Variants in PAX5 observed in about 807,000 individuals in gnomAD.
PAX5 encodes the protein paired box 5.
A neutral mutation model predicts 43.7 loss-of-function variants in PAX5; 9 were observed. The ratio of observed to expected loss-of-function variants is 0.21; its 90% CI spans 0.12 to 0.36. The LOEUF (loss-of-function observed/expected upper bound fraction) is 0.36. Among genes scored for constraint, PAX5 ranks in the 10% least tolerant of loss-of-function variants. PAX5 has a pLI of 1.00. For missense variants in PAX5, 383 were observed against 532.7 expected (o/e 0.72, Z 2.77); for synonymous variants, 228 against 214.3 (o/e 1.06, Z -0.56).
At chr9:37,017,102 T>TA (rs1310736165) in intron 2 of PAX5, among the ~76,000 whole-genome samples, 1 of 152,238 alleles carries the variant, frequency 6.6e-6, no homozygotes, top group East Asian at 1.9e-4. Context: ...AAAAGCACCC[T>TA]AAGTCAAGGC....
intron 1 of PAX5, among the ~76,000 whole-genome samples, chr9:37,028,135 T>A (rs1840621497): frequency 6.6e-6 from 1 of 152,092 alleles, no homozygotes; most frequent in African/African-American, 2.4e-5. Context: ...AAAAAATGTA[T>A]GTTGGAGGAA....
At chr9:36,939,932 C>T (rs747937371) in intron 6 of PAX5, among the ~76,000 whole-genome samples, 1 of 152,206 alleles carries the variant, frequency 6.6e-6, no homozygotes, top group Admixed American at 6.5e-5. Flanking sequence ...CCCCTCGACG[C>T]GGGGCCTCAC....
At chr9:36,974,602 T>C (rs1373769009) in intron 5 of PAX5, among the ~76,000 whole-genome samples, 2 of 152,182 alleles carry the variant, frequency 1.3e-5, no homozygotes, top group Non-Finnish European at 2.9e-5. Context: ...TTACTCTTCC[T>C]GTCAGCTGCT....
At chr9:36,985,528 C>T (rs1045926539) in intron 5 of PAX5, among the ~76,000 whole-genome samples, 2 of 152,136 alleles carry the variant, frequency 1.3e-5, no homozygotes, top group Admixed American at 6.5e-5. Context: ...GCGTCTGGGA[C>T]GAATGGGAGA....
At chr9:36,987,781 G>A in intron 5 of PAX5, among the ~76,000 whole-genome samples, 1 of 152,200 alleles carries the variant, frequency 6.6e-6, no homozygotes, top group Non-Finnish European at 1.5e-5. Flanking sequence ...CATAAATTAG[G>A]CCCCCAAACA....
chr9:36,934,943 C>G (rs929708843), intron 6 of PAX5, among the ~76,000 whole-genome samples: 1 of 152,200 alleles, frequency 6.6e-6, no homozygotes, highest in South Asian at 2.1e-4. Flanking sequence ...GCTCTTCCAA[C>G]GGTGCCAGAG....
At chr9:36,875,807 G>A (rs937012841) in intron 8 of PAX5, among the ~76,000 whole-genome samples, 13 of 152,110 alleles carry the variant, frequency 8.5e-5, no homozygotes, top group Admixed American at 6.5e-4. Context: ...AAGGAATGCC[G>A]GCAGCAGCAA....
In PAX5 at chr9:36,838,967, G is replaced by C. The variant is rs1281130243; in HGVS notation, c.*1593C>G. On this transcript the variant is annotated 3_prime_UTR_variant, in exon 10 of 10. Transcript: ENST00000358127. ...CTCTCTGCCATCCTGGTGACATACA[G>C]ATATGGGGGACATTGTCACCTAAGA... is the stretch of plus-strand genomic sequence containing the variant. 1.3e-5 allele frequency: 3 copies of C among 233,234 alleles called. No homozygotes were observed. The highest frequency in any genetic ancestry group is 6.6e-5 in the African/African-American group (3 of 45,354). 14.4% of individuals were successfully genotyped at this position (233,234 alleles called of 1,614,324 possible).
chr9:36,918,761 TAA>T (rs972085284), intron 7 of PAX5, among the ~76,000 whole-genome samples: 2 of 152,182 alleles, frequency 1.3e-5, no homozygotes, highest in African/African-American at 4.8e-5. Flanking sequence ...TTAGGAAGGC[TAA>T]GAGAAGTAAG....
chr9:36,940,937 T>C (rs1831998871), intron 6 of PAX5, among the ~76,000 whole-genome samples: 1 of 152,086 alleles, frequency 6.6e-6, no homozygotes. Flanking sequence ...ATTAGAGCCC[T>C]GAAAACAGGT....
At chr9:36,939,491 C>T (rs1241911532) in intron 6 of PAX5, among the ~76,000 whole-genome samples, 5 of 152,174 alleles carry the variant, frequency 3.3e-5, no homozygotes, top group South Asian at 4.1e-4. Context: ...AAAGGGACCC[C>T]AAATCCAATC....
At chr9:37,033,629 G>C (rs988212874) in intron 1 of PAX5, among the ~76,000 whole-genome samples, 13 of 115,736 alleles carry the variant, frequency 1.1e-4, no homozygotes, top group African/African-American at 4.0e-4. Flanking sequence ...CACACACACA[G>C]GCAAACAACT....
At chr9:36,920,331 A>G (rs558286623) in intron 7 of PAX5, among the ~76,000 whole-genome samples, 1 of 152,320 alleles carries the variant, frequency 6.6e-6, no homozygotes, top group East Asian at 1.9e-4. Context: ...CATGAAAAGA[A>G]GAGTCAATTG....
Position 36,840,175 on chromosome 9 carries a change from A to G in PAX5, c.*385T>C. ...CACAGAAAAGCAAGAAGGTATTTAC[A>G]TGGGTGCTGCTGAAGCAACAAAAGC... is the stretch of plus-strand genomic sequence containing the variant. On this transcript the variant is annotated 3_prime_UTR_variant, in exon 10 of 10. Transcript: ENST00000358127. The G allele has an allele frequency of 2.4e-6, 1 of 422,914 alleles. No homozygotes were observed. The highest frequency in any genetic ancestry group is 4.3e-6 in the Non-Finnish European group (1 of 231,144). 26.2% of individuals were successfully genotyped at this position (422,914 alleles called of 1,614,324 possible).
intron 7 of PAX5, among the ~76,000 whole-genome samples, chr9:36,883,636 A>C (rs1826654504): frequency 6.6e-6 from 1 of 152,206 alleles, no homozygotes; most frequent in African/African-American, 2.4e-5. Context: ...GCACCACTGC[A>C]CTTCAGCCTG....
At chr9:36,952,234 C>CTTTTTT (rs138009049) in intron 6 of PAX5, among the ~76,000 whole-genome samples, 2,034 of 66,670 alleles carry the variant, frequency 0.031, 174 homozygotes, top group Non-Finnish European at 0.032. Flanking sequence ...GACCATCTCC[C>CTTTTTT]TTTTTTTTTT....
At chr9:36,844,462 C>T (rs1032765524) in intron 9 of PAX5, among the ~76,000 whole-genome samples, 3 of 138,754 alleles carry the variant, frequency 2.2e-5, no homozygotes, top group East Asian at 2.4e-4. Context: ...GCTGAGAGGA[C>T]GACATCAGAT....
chr9:36,849,130 C>T (rs1378614735), intron 8 of PAX5, among the ~76,000 whole-genome samples: 1 of 152,238 alleles, frequency 6.6e-6, no homozygotes, highest in Non-Finnish European at 1.5e-5. Flanking sequence ...TGTACGTGGG[C>T]ATGCTTGGCC....
At chr9:36,964,096 C>T (rs907855183) in intron 6 of PAX5, among the ~76,000 whole-genome samples, 7 of 151,390 alleles carry the variant, frequency 4.6e-5, no homozygotes, top group Admixed American at 1.3e-4. Context: ...CCGGCTAACA[C>T]GGCGAAACCC....
Sources: gnomAD v4.1 joint callset for allele counts (sites outside exome capture counted in the v4.1 genomes callset) on GRCh38, gnomAD v4.1.1 for gene constraint, MANE v1.5 for transcripts, NCBI Gene and HGNC (gene_info 2026-07-23, HGNC 2026-07-21) for gene names.